ADAMTS10: variants seen among roughly 807,000 people sequenced by gnomAD.
The protein encoded by ADAMTS10 is A disintegrin and metalloproteinase with thrombospondin motifs 10.
Under a neutral mutation model 135.9 loss-of-function variants are expected in ADAMTS10, and 48 were observed. That is an observed-to-expected ratio of 0.35 (90% CI 0.28 to 0.45). The LOEUF (loss-of-function observed/expected upper bound fraction) is 0.45, where lower values mean the gene tolerates loss of function less well. Among genes scored for constraint, ADAMTS10 ranks in the 20% least tolerant of loss-of-function variants. The probability of loss-of-function intolerance (pLI) is 1.00; values close to 1 mark genes in which losing one functional copy is unlikely to be tolerated. For missense variants in ADAMTS10, 1,131 were observed against 1,565.2 expected (o/e 0.72, Z 4.68); for synonymous variants, 621 against 647.5 (o/e 0.96, Z 0.62).
In ADAMTS10 at chr19:8,592,141, G is replaced by A. The variant is rs73922162; in HGVS notation, c.1588-38C>T. Reference sequence around the variant, plus strand: ...AGACAGGAAGGAGTGAGTCCAGCCCGGAGGACACTCGTCGGCCCCATGCAC... The same window carrying A: ...AGACAGGAAGGAGTGAGTCCAGCCCAGAGGACACTCGTCGGCCCCATGCAC... On this transcript the variant is annotated intron_variant, in intron 13 of 25. Coordinates refer to ENST00000597188, the MANE Select transcript of ADAMTS10 (RefSeq NM_030957.4). 0.013 allele frequency: 20,400 copies of A among 1,613,044 alleles called. 518 individuals are homozygous for A. The highest frequency in any genetic ancestry group is 0.11 in the African/African-American group (8,153 of 74,992).
chr19:8,606,043 A>G (rs951935689), intron 2 of ADAMTS10, among the ~76,000 whole-genome samples: 3 of 152,182 alleles, frequency 2.0e-5, no homozygotes. Flanking sequence ...TACTGGCCCT[A>G]GTTTTCACAC....
rs905913217 is a variant in ADAMTS10 at position 8,580,846 on chromosome 19, T to C, written c.*47A>G. The C allele has an allele frequency of 1.3e-6, 2 of 1,482,668 alleles. No individual in the cohort carries two copies. Among genetic ancestry groups the C allele is most frequent in the Non-Finnish European group, 1.8e-6 (2 of 1,086,294 alleles). The allele number at this position is 1,482,668 out of a possible 1,614,324, so 91.8% of individuals were successfully genotyped here. A position where few individuals can be genotyped will look rare whatever the true frequency, so the allele number is the denominator to read the frequency against. ...CCCTCTGGCCGGCCCGCTGCAGGGC[T>C]GGCGGCGGAGACCCCGCCAGCTGTG... On this transcript the variant is annotated 3_prime_UTR_variant, in exon 26 of 26. Transcript: ENST00000597188.
chr19:8,595,983 A>AG, intron 11 of ADAMTS10, 80 bp from the exon 12 acceptor site: 2 of 1,613,906 alleles, frequency 1.2e-6, no homozygotes, highest in Non-Finnish European at 1.7e-6. Context: ...TGGGGGTCCC[A>AG]GGGAGCATCC....
chr19:8,600,782 G>C (rs145543409), intron 6 of ADAMTS10, 146 bp downstream of exon 6: 64 of 980,508 alleles, frequency 6.5e-5, no homozygotes, highest in Middle Eastern at 3.1e-4. Flanking sequence ...ACAGGTGTGA[G>C]CCACCGCGCC....
Position 8,607,850 on chromosome 19 carries a change from C to T in ADAMTS10, c.-100+284G>A, listed in dbSNP as rs566315400. 4.0e-5 allele frequency among the ~76,000 whole-genome samples: 6 copies of T among 150,282 alleles called. No homozygotes were observed. In the East Asian group the frequency reaches 7.9e-4, roughly 20 times the overall value. The stretch of plus-strand genomic sequence containing the variant: ...TTTTTGAGACGGAGTCTCACTCTGT[C>T]GCCAGGGTGGAGTGCAGTGGTGTGA... On this transcript the variant is annotated intron_variant, in intron 2 of 25. Transcript: ENST00000597188.
Position 8,603,344 on chromosome 19 carries a change from T to G in ADAMTS10, c.592+384A>C, listed in dbSNP as rs909732983. ...GGCTGGGGTGCAATGGCGTGATCTC[T>G]GCTCACTGCAACCTCTGCCTCCCGG... On this transcript the variant is annotated intron_variant, in intron 5 of 25. Transcript: ENST00000597188. 5.3e-5 allele frequency among the ~76,000 whole-genome samples: 8 copies of G among 152,208 alleles called. 1 individual carries two copies. Among genetic ancestry groups the G allele is most frequent in the African/African-American group, 2.4e-5 (1 of 41,518 alleles).
intron 2 of ADAMTS10, among the ~76,000 whole-genome samples, chr19:8,606,975 C>CAGGCGA (rs1181526323): frequency 3.3e-5 from 5 of 152,066 alleles, no homozygotes; most frequent in African/African-American, 1.2e-4. Flanking sequence ...TGTGAAGAGA[C>CAGGCGA]AGGCGAAGGT....
At chr19:8,582,081 C>G (rs2042360550) in intron 25 of ADAMTS10, among the ~76,000 whole-genome samples, 1 of 151,954 alleles carries the variant, frequency 6.6e-6, no homozygotes, top group East Asian at 1.9e-4. Context: ...CAAAAGAAGA[C>G]AAATATTCCC....
chr19:8,583,268 C>T (rs1165879715), intron 25 of ADAMTS10, among the ~76,000 whole-genome samples: 3 of 151,528 alleles, frequency 2.0e-5, no homozygotes, highest in Non-Finnish European at 4.4e-5. Flanking sequence ...GGACCTGGCG[C>T]GGTGGCTCAT....
Position 8,580,815 on chromosome 19 carries a change from G to A in ADAMTS10, c.*78C>T, listed in dbSNP as rs2042334114. ...CTTCCCTCCCAGTTCCCGCCCCCCCGGGGCCCCCTCTGGCCGGCCCGCTGC... is the reference window on the plus strand; with the variant it reads ...CTTCCCTCCCAGTTCCCGCCCCCCCAGGGCCCCCTCTGGCCGGCCCGCTGC... On this transcript the variant is annotated 3_prime_UTR_variant, in exon 26 of 26. Transcript: ENST00000597188. 8.3e-7 allele frequency: 1 copy of A among 1,202,084 alleles called. No homozygotes were observed. Among genetic ancestry groups the A allele is most frequent in the Non-Finnish European group, 1.2e-6 (1 of 846,266 alleles). 74.5% of individuals were successfully genotyped at this position (1,202,084 alleles called of 1,614,324 possible). A position where few individuals can be genotyped will look rare whatever the true frequency, so the allele number is the denominator to read the frequency against.
intron 25 of ADAMTS10, 23 bp from the exon 26 acceptor site, chr19:8,581,025 G>GAA (rs2042339163): frequency 1.3e-6 from 2 of 1,577,148 alleles, no homozygotes; most frequent in South Asian, 2.3e-5. Context: ...GAGAAGGAAG[G>GAA]AAAAATCAGG....
chr19:8,599,754 C>T (rs938135682), intron 6 of ADAMTS10, among the ~76,000 whole-genome samples: 13 of 152,162 alleles, frequency 8.5e-5, no homozygotes, highest in Admixed American at 8.5e-4. Context: ...GGACTACAGG[C>T]ATGTGCCACC....
intron 1 of ADAMTS10, among the ~76,000 whole-genome samples, chr19:8,610,194 G>GAC (rs374652955): frequency 6.0e-5 from 9 of 151,252 alleles, no homozygotes; most frequent in East Asian, 1.9e-4. Flanking sequence ...CCCCACACCA[G>GAC]ACACACACAC....
chr19:8,584,765 C>T (rs1386162459), intron 25 of ADAMTS10, 130 bp downstream of exon 25: 11 of 1,322,280 alleles, frequency 8.3e-6, no homozygotes, highest in Admixed American at 2.1e-5. Flanking sequence ...TGAAGGATGG[C>T]CTGGCAGAGA....
rs2042663784 is a variant in ADAMTS10 at position 8,600,988 on chromosome 19, C to G, written c.750G>C (p.Met250Ile). The change falls in exon 6 of 26, where the codon ATG becomes ATC. Residue 250 changes from methionine to isoleucine, a missense_variant. By Grantham distance (10) the Met-to-Ile change is conservative. Around this residue, in one of 3 missense-constraint regions of ADAMTS10, gnomAD observed 80 missense variants for 164.4 expected, o/e 0.49. Coordinates refer to ENST00000597188, the MANE Select transcript of ADAMTS10 (RefSeq NM_030957.4). Reference sequence around the variant, plus strand: ...CCCGGCGCCCGTGATAGGCCACCATCATCTTGTCAGCCACCACCAGGGTCT... The same window carrying G: ...CCCGGCGCCCGTGATAGGCCACCATGATCTTGTCAGCCACCACCAGGGTCT... Reference protein sequence around the residue: ...YVETLVVADKMMVAYHGRRDV... With the variant: ...YVETLVVADKIMVAYHGRRDV... 2 of 1,614,086 alleles carry G rather than the reference C, an allele frequency of 1.2e-6. No homozygotes were observed. The highest frequency in any genetic ancestry group is 2.7e-5 in the African/African-American group (2 of 74,940).
Position 8,603,727 on chromosome 19 carries a change from CCT to C in ADAMTS10, c.591_592del (p.Asp198Ter). The C allele has an allele frequency of 1.2e-6, 2 of 1,614,136 alleles. No homozygotes were observed. Among genetic ancestry groups the C allele is most frequent in the Non-Finnish European group, 1.7e-6 (2 of 1,180,012 alleles). On this transcript the variant is annotated frameshift_variant and splice_region_variant, in exon 5 of 26. Transcript: ENST00000597188. LOFTEE classifies it high-confidence loss of function. ...GCCCATCCCCAGAAAGACCGATGTA[CCT>C]CTCACTCCACAGGCTGTGTCCAGGT... is the stretch of plus-strand genomic sequence containing the variant.
At position 8,589,328 on chromosome 19, in the gene ADAMTS10, C is replaced by A. The variant is rs782548245; in HGVS notation, c.2072G>T (p.Arg691Leu). The change falls in exon 18 of 26, where the codon CGG becomes CTG. Residue 691 changes from arginine (R) to leucine (L), a missense_variant. By Grantham distance (102) the Arg-to-Leu change is moderately radical. This residue lies in a region of ADAMTS10 where 745 missense variants were observed against 1,056.3 expected (regional missense o/e 0.71). Coordinates refer to ENST00000597188, the MANE Select transcript of ADAMTS10 (RefSeq NM_030957.4). Reference protein sequence around the residue: ...GCDRVLGSDLREDKCRVCGGD... With the variant: ...GCDRVLGSDLLEDKCRVCGGD... ...GCCACACACTCGGCACTTGTCCTCC[C>A]GCAGGTCGGAGCCCAGGACTCGGTC... The A allele has an allele frequency of 6.2e-6, 10 of 1,612,402 alleles. No individual in the cohort carries two copies. The African/African-American group carries it at 1.1e-4, about 17-fold the overall frequency.
Position 8,585,163 on chromosome 19 carries a change from G to T in ADAMTS10, c.3011C>A (p.Pro1004Gln). Residue 1004 changes from proline to glutamine, a missense_variant, in exon 24 of 26, where the codon CCG becomes CAG. Pro to Gln is a moderately conservative substitution (Grantham distance 76). Coordinates refer to ENST00000597188, the MANE Select transcript of ADAMTS10 (RefSeq NM_030957.4). ...TMRCNLRRCPPARWVAGEWGE... is the reference protein window; with the variant it reads ...TMRCNLRRCPQARWVAGEWGE... ...CCACTCGCCAGCCACCCAGCGGGCC[G>T]GGGGGCAGCGGCGCAAGTTGCAGCG... is the stretch of plus-strand genomic sequence containing the variant. The T allele has an allele frequency of 7.1e-7, 1 of 1,409,062 alleles. No individual in the cohort carries two copies. Among genetic ancestry groups the T allele is most frequent in the African/African-American group, 1.5e-5 (1 of 66,672 alleles). The allele number at this position is 1,409,062 out of a possible 1,614,324, so 87.3% of individuals were successfully genotyped here.
At chr19:8,587,062 T>G (rs780219102) in intron 18 of ADAMTS10, among the ~76,000 whole-genome samples, 166 bp from the exon 19 acceptor site, 2 of 152,210 alleles carry the variant, frequency 1.3e-5, no homozygotes, top group Non-Finnish European at 2.9e-5. Context: ...TTATCCCCAT[T>G]TTAGGGCTGA....
Sources: gnomAD v4.1 joint callset for allele counts (sites outside exome capture counted in the v4.1 genomes callset) on GRCh38, gnomAD v4.1.1 for gene constraint, gnomAD v4.1.1 regional missense constraint, MANE v1.5 for transcripts, NCBI Gene and HGNC (gene_info 2026-07-23, HGNC 2026-07-21) for gene names.